Variants in DNM3 observed in about 807,000 individuals in gnomAD.
DNM3 encodes dynamin 3.
Under a neutral mutation model 101.6 loss-of-function variants are expected in DNM3, and 47 were observed. The observed-to-expected ratio is 0.46, with a 90% CI of 0.37 to 0.59. The LOEUF is 0.59. Ranked by LOEUF, DNM3 falls within the 20% of genes least tolerant of loss-of-function variation. DNM3 has a pLI of 0.00. For missense variants in DNM3, 849 were observed against 1,085.7 expected, an observed-to-expected ratio of 0.78 and a Z score of 3.06; for synonymous variants, 385 against 387.9, an observed-to-expected ratio of 0.99 and a Z score of 0.09.
intron 15 of DNM3, among the ~76,000 whole-genome samples, chr1:172,261,103 T>C (rs2062626501): frequency 6.6e-6 from 1 of 152,186 alleles, no homozygotes; most frequent in African/African-American, 2.4e-5. Flanking sequence ...CATGCCACTA[T>C]GTCTGACTAG....
intron 15 of DNM3, among the ~76,000 whole-genome samples, chr1:172,263,031 AATAATGTTTTTC>A (rs1328216713): frequency 6.6e-6 from 1 of 152,196 alleles, no homozygotes; most frequent in Non-Finnish European, 1.5e-5. Flanking sequence ...TGGCATGTAA[AATAATGTTTTTC>A]ATATGTCTTA....
chr1:172,408,741 T>C lies in DNM3; in HGVS notation c.*900T>C. On this transcript the variant is annotated 3_prime_UTR_variant, in exon 21 of 21. Transcript: ENST00000627582. ...CTAACTCCAGTTTTACTATTATTAT[T>C]TTGGTTGGAAAAAAAATTCACTCTT... 3.0e-6 allele frequency: 3 copies of C among 985,128 alleles called. No homozygotes were observed. Among genetic ancestry groups the C allele is most frequent in the Non-Finnish European group, 3.6e-6 (3 of 829,672 alleles). The allele number at this position is 985,128 out of a possible 1,614,324, so 61.0% of individuals were successfully genotyped here. A position where few individuals can be genotyped will look rare whatever the true frequency, so the allele number is the denominator to read the frequency against.
Position 172,410,347 on chromosome 1 carries a change from A to G in DNM3, c.*2506A>G. On this transcript the variant is annotated 3_prime_UTR_variant, in exon 21 of 21. Transcript: ENST00000627582. ...TTAATGATTTTCTGTTTCCCATACC[A>G]TTTCTAATCTTTTGTGTAATTTTCT... 1 of 985,316 alleles carries G rather than the reference A, an allele frequency of 1.0e-6. No individual in the cohort carries two copies. Among genetic ancestry groups the G allele is most frequent in the Non-Finnish European group, 1.2e-6 (1 of 829,870 alleles). 61.0% of individuals were successfully genotyped at this position (985,316 alleles called of 1,614,324 possible). A position where few individuals can be genotyped will look rare whatever the true frequency, so the allele number is the denominator to read the frequency against.
chr1:171,960,015 A>T (rs953392002), intron 2 of DNM3, among the ~76,000 whole-genome samples: 1 of 152,184 alleles, frequency 6.6e-6, no homozygotes, highest in East Asian at 1.9e-4. Flanking sequence ...CTGGAACCTC[A>T]GTATAGGACT....
intron 16 of DNM3, among the ~76,000 whole-genome samples, chr1:172,320,063 T>A (rs1401037767): frequency 1.3e-5 from 2 of 151,618 alleles, no homozygotes; most frequent in African/African-American, 4.9e-5. Flanking sequence ...TAAAAAATGA[T>A]GAGTTCATGT....
At chr1:171,924,887 C>T (rs1189059693) in intron 2 of DNM3, among the ~76,000 whole-genome samples, 2 of 149,918 alleles carry the variant, frequency 1.3e-5, no homozygotes, top group Admixed American at 1.3e-4. Context: ...TGTTCCTGTC[C>T]TTTGCCCACT....
chr1:172,051,488 AG>A, intron 10 of DNM3, among the ~76,000 whole-genome samples: 1 of 152,300 alleles, frequency 6.6e-6, no homozygotes, highest in East Asian at 1.9e-4. Flanking sequence ...AGTCCACTCT[AG>A]CATCATAGTT....
chr1:172,378,881 T>G, intron 17 of DNM3, 137 bp from the exon 18 acceptor site: 1 of 994,556 alleles, frequency 1.0e-6, no homozygotes. Flanking sequence ...AGTGGATGCA[T>G]AAGATAAAAA....
In DNM3 at chr1:172,235,825, T is replaced by A. The variant is rs139794094; in HGVS notation, c.1660-17748T>A. Among the ~76,000 whole-genome samples the A allele has an allele frequency of 6.5e-3, 982 of 151,332 alleles. 9 individuals carry two copies. The highest frequency in any genetic ancestry group is 0.023 in the African/African-American group (920 of 40,858). ...ACACTTGGATACAGGAAGGGGAACA[T>A]AACACACCGGGGCCTGTTTTGGGGT... is the stretch of plus-strand genomic sequence containing the variant. On this transcript the variant is annotated intron_variant, in intron 14 of 20. Coordinates refer to ENST00000627582, the MANE Select transcript of DNM3 (RefSeq NM_015569.5).
intron 2 of DNM3, among the ~76,000 whole-genome samples, chr1:171,973,420 G>A (rs933398231): frequency 5.3e-5 from 8 of 151,852 alleles, no homozygotes; most frequent in Admixed American, 2.0e-4. Context: ...TTAATTAAGG[G>A]TTTACTATGT....
intron 13 of DNM3, among the ~76,000 whole-genome samples, chr1:172,098,583 G>A (rs1204502421): frequency 6.6e-6 from 1 of 152,192 alleles, no homozygotes; most frequent in Non-Finnish European, 1.5e-5. Context: ...AGAGATTAAA[G>A]TAAAGACAGG....
chr1:172,204,129 C>T (rs1442894630), intron 14 of DNM3, among the ~76,000 whole-genome samples: 2 of 152,086 alleles, frequency 1.3e-5, no homozygotes, highest in Non-Finnish European at 2.9e-5. Context: ...TGCTACTTTT[C>T]TTCTGTATAA....
intron 13 of DNM3, among the ~76,000 whole-genome samples, chr1:172,113,633 A>AC (rs1306637883): frequency 6.6e-6 from 1 of 151,254 alleles, no homozygotes; most frequent in East Asian, 1.9e-4. Context: ...AAAAAAAAAA[A>AC]AAAAAAAAAA....
intron 2 of DNM3, among the ~76,000 whole-genome samples, chr1:171,985,452 C>T (rs1571957408): frequency 6.6e-6 from 1 of 152,136 alleles, no homozygotes; most frequent in African/African-American, 2.4e-5. Context: ...AAGACAGTGC[C>T]TATGAGGGTA....
At chr1:172,045,161 C>T (rs2125848255) in intron 9 of DNM3, among the ~76,000 whole-genome samples, 1 of 140,484 alleles carries the variant, frequency 7.1e-6, no homozygotes, top group Non-Finnish European at 1.5e-5. Flanking sequence ...GGGACCTGAG[C>T]TGGGTGGGGT....
chr1:172,341,490 G>C (rs924081451), intron 17 of DNM3, among the ~76,000 whole-genome samples: 1 of 152,120 alleles, frequency 6.6e-6, no homozygotes, highest in African/African-American at 2.4e-5. Flanking sequence ...AAGCTATACT[G>C]CAGGGCTACA....
At chr1:171,983,372 C>T (rs879853094) in intron 2 of DNM3, among the ~76,000 whole-genome samples, 86 of 84,962 alleles carry the variant, frequency 1.0e-3, no homozygotes, top group African/African-American at 3.0e-3. Flanking sequence ...GTGGGAGGAT[C>T]ACTTGAGCCC....
chr1:171,938,281 A>C (rs1056292905), intron 2 of DNM3, among the ~76,000 whole-genome samples: 1 of 151,688 alleles, frequency 6.6e-6, no homozygotes, highest in African/African-American at 2.4e-5. Context: ...TTTGTTTGTT[A>C]CATAACCAAC....
At chr1:172,305,576 CA>C (rs910770308) in intron 15 of DNM3, among the ~76,000 whole-genome samples, 1 of 151,504 alleles carries the variant, frequency 6.6e-6, no homozygotes, top group East Asian at 1.9e-4. Flanking sequence ...AGAGACACAA[CA>C]AAAAAAAGAG....
Sources: allele counts gnomAD v4.1 joint callset (sites outside exome capture counted in the v4.1 genomes callset), GRCh38; gene constraint gnomAD v4.1.1; transcripts MANE v1.5; gene names NCBI Gene and HGNC (gene_info 2026-07-23, HGNC 2026-07-21).